Variants in PARVB observed in about 807,000 individuals in gnomAD.
The protein encoded by PARVB is parvin beta.
Under a neutral mutation model 47.0 loss-of-function variants are expected in PARVB, and 46 were observed. The ratio of observed to expected loss-of-function variants is 0.98; its 90% CI spans 0.77 to 1.25. The LOEUF is 1.25. PARVB is among the 50% of genes most tolerant of loss of function. PARVB has a pLI of 0.00. For synonymous variants in PARVB, 196 were observed against 196.3 expected, an observed-to-expected ratio of 1.00 and a Z score of 0.01; for missense variants, 473 against 471.6, an observed-to-expected ratio of 1.00 and a Z score of -0.03.
At chr22:44,058,549 ATTTTTTTTTT>A (rs35947294) in intron 1 of PARVB, among the ~76,000 whole-genome samples, 4 of 96,018 alleles carry the variant, frequency 4.2e-5, no homozygotes, top group African/African-American at 1.3e-4. Flanking sequence ...GTGGACGTGG[ATTTTTTTTTT>A]TTTTTTTTTT....
At chr22:44,153,271 A>G (rs979695104) in intron 10 of PARVB, 1 of 152,196 alleles carries the variant, frequency 6.6e-6, no homozygotes, top group Non-Finnish European at 1.5e-5. Context: ...CAGACTCTCC[A>G]GGGGCAGCTA....
intron 4 of PARVB, among the ~76,000 whole-genome samples, chr22:44,120,226 A>G (rs551193456): frequency 2.0e-5 from 3 of 152,278 alleles, no homozygotes; most frequent in Admixed American, 6.5e-5. Flanking sequence ...TTCTCACAAC[A>G]GCCCTGGGGG....
intron 1 of PARVB, among the ~76,000 whole-genome samples, chr22:44,050,415 C>T (rs1409994343): frequency 6.6e-6 from 1 of 151,696 alleles, no homozygotes; most frequent in Non-Finnish European, 1.5e-5. Context: ...GCCATCTCAG[C>T]TCACTGCAAC....
chr22:44,149,307 C>T (rs1206261350), intron 9 of PARVB: 1 of 152,208 alleles, frequency 6.6e-6, no homozygotes, highest in Admixed American at 6.5e-5. Context: ...ACTGGAGCCA[C>T]CAGCAAGGAA....
At position 44,054,597 on chromosome 22, in the gene PARVB, T is replaced by C. The variant is rs139150769; in HGVS notation, c.112+30146T>C. ...GCTGGGCAGGGAGGGGACAGGGAGT[T>C]AGTGTTTCTGCCTTGCAAGAAGAAA... On this transcript the variant is annotated intron_variant, in intron 1 of 12. Coordinates refer to ENST00000338758, the MANE Select transcript of PARVB (RefSeq NM_013327.5). Among the ~76,000 whole-genome samples the C allele has an allele frequency of 4.5e-3, 687 of 152,156 alleles. 7 individuals are homozygous for C. The highest frequency in any genetic ancestry group is 0.016 in the African/African-American group (647 of 41,528).
intron 1 of PARVB, among the ~76,000 whole-genome samples, chr22:44,077,145 A>G (rs2051794537): frequency 6.6e-6 from 1 of 152,148 alleles, no homozygotes; most frequent in African/African-American, 2.4e-5. Flanking sequence ...CAACAGAAAC[A>G]TAGTCTGTCA....
chr22:44,164,751 T>C (rs61080522), intron 12 of PARVB, among the ~76,000 whole-genome samples: 5,482 of 152,262 alleles, frequency 0.036, 337 homozygotes, highest in African/African-American at 0.13. Context: ...CCCATGGTGC[T>C]ATATGAGTTG....
chr22:44,156,651 C>T (rs1035696474), intron 10 of PARVB, among the ~76,000 whole-genome samples: 1 of 152,124 alleles, frequency 6.6e-6, no homozygotes, highest in Non-Finnish European at 1.5e-5. Context: ...CGTGAATGCA[C>T]CTAACATGAT....
rs546203859 is a variant in PARVB, at chr22:44,159,382, G to A, written c.945+1299G>A. On this transcript the variant is annotated intron_variant, in intron 11 of 12. Transcript: ENST00000338758. ...TCAGAGGCATCATCTCCTGGGCCCTGGCCTTCTTCCCTTTGAAACTGGGAT... is the reference window on the plus strand; with the variant it reads ...TCAGAGGCATCATCTCCTGGGCCCTAGCCTTCTTCCCTTTGAAACTGGGAT... Among the ~76,000 whole-genome samples, 484 of 152,282 alleles carry A rather than the reference G, an allele frequency of 3.2e-3. 10 individuals carry two copies. Among genetic ancestry groups the A allele is most frequent in the African/African-American group, 0.011 (455 of 41,538 alleles).
intron 2 of PARVB, among the ~76,000 whole-genome samples, chr22:44,007,591 A>G (rs1275200801): frequency 6.6e-6 from 1 of 152,112 alleles, no homozygotes; most frequent in Non-Finnish European, 1.5e-5. Flanking sequence ...GGCTTTTCCA[A>G]TCCCCCAAGG....
At chr22:44,066,822 CT>C (rs1569088070) in intron 1 of PARVB, among the ~76,000 whole-genome samples, 66 of 116,134 alleles carry the variant, frequency 5.7e-4, no homozygotes, top group Non-Finnish European at 3.4e-4. Flanking sequence ...TCCTCCTCCT[CT>C]TCCTCCTCCA....
intron 4 of PARVB, among the ~76,000 whole-genome samples, chr22:44,121,364 G>T (rs1363918983): frequency 6.6e-6 from 1 of 152,014 alleles, no homozygotes; most frequent in African/African-American, 2.4e-5. Context: ...TGAACGTCCT[G>T]TTCACCCATG....
At position 44,089,314 on chromosome 22, in the gene PARVB, G is replaced by A. The variant is rs1173110286; in HGVS notation, c.113-4614G>A. 2 of 152,384 alleles carry A rather than the reference G, an allele frequency of 1.3e-5. No individual in the cohort carries two copies. Among genetic ancestry groups the A allele is most frequent in the Non-Finnish European group, 2.9e-5 (2 of 68,122 alleles). 9.4% of individuals were successfully genotyped at this position (152,384 alleles called of 1,614,324 possible). Reference sequence around the variant, plus strand: ...CAGACACTTAGGAAAACAAGCACAAGGCGGTCTTTTTCCCTTAATCACCCA... The same window carrying A: ...CAGACACTTAGGAAAACAAGCACAAAGCGGTCTTTTTCCCTTAATCACCCA... On this transcript the variant is annotated intron_variant, in intron 1 of 12. Coordinates refer to ENST00000338758, the MANE Select transcript of PARVB (RefSeq NM_013327.5). This position sits in a 1 kb window ranked among gnomAD's most constrained non-coding sequence, Gnocchi z 4.0.
chr22:44,139,395 T>A (rs2053504907), intron 7 of PARVB: 1 of 152,712 alleles, frequency 6.5e-6, no homozygotes, highest in Non-Finnish European at 1.5e-5. Flanking sequence ...AGAGGAGGTT[T>A]TGCCACTTTG....
intron 10 of PARVB, chr22:44,152,639 G>A (rs1341219807): frequency 3.9e-5 from 6 of 152,124 alleles, no homozygotes; most frequent in African/African-American, 1.4e-4. Context: ...CATTTCTTCT[G>A]CAATAAGTAT....
intron 11 of PARVB, among the ~76,000 whole-genome samples, chr22:44,162,348 G>T (rs1430453825): frequency 8.2e-6 from 1 of 121,448 alleles, no homozygotes; most frequent in Non-Finnish European, 1.8e-5. Context: ...TTGAGACAGA[G>T]TGTTGCTCTG....
upstream of PARVB, among the ~76,000 whole-genome samples, chr22:44,023,325 A>G (rs2050673259): frequency 1.3e-5 from 2 of 151,820 alleles, no homozygotes; most frequent in African/African-American, 4.8e-5. Context: ...AGCCTGGCCA[A>G]CATGGCAAAA....
rs1034894168 is a variant in PARVB at position 44,049,129 on chromosome 22, G to A, written c.112+24678G>A. Among the ~76,000 whole-genome samples the A allele has an allele frequency of 2.6e-5, 4 of 152,150 alleles. No homozygotes were observed. Among genetic ancestry groups the A allele is most frequent in the African/African-American group, 7.2e-5 (3 of 41,436 alleles). ...TCCTGTGCCACTTCCCCTGCAAAAT[G>A]AGATGAAAATGAGTCTCATTTTACG... On this transcript the variant is annotated intron_variant, in intron 1 of 12. Transcript: ENST00000338758. The surrounding 1 kb of genome is among the most constrained non-coding windows in gnomAD (Gnocchi z 4.0).
At chr22:44,120,838 G>A (rs1364816925) in intron 4 of PARVB, among the ~76,000 whole-genome samples, 1 of 145,610 alleles carries the variant, frequency 6.9e-6, no homozygotes, top group Non-Finnish European at 1.5e-5. Flanking sequence ...ACCACACTTG[G>A]CTGTTTTTTT....
Sources: gnomAD v4.1 joint callset for allele counts (sites outside exome capture counted in the v4.1 genomes callset) on GRCh38, gnomAD v4.1.1 for gene constraint, Gnocchi (gnomAD v3.1) non-coding constraint, MANE v1.5 for transcripts, NCBI Gene and HGNC (gene_info 2026-07-23, HGNC 2026-07-21) for gene names.